STRN: variants seen among roughly 807,000 people sequenced by gnomAD.
STRN encodes protein phosphatase 2 regulatory subunit B'''alpha.
In STRN, 53 loss-of-function variants were observed where a neutral mutation model predicts 96.3. The ratio of observed to expected loss-of-function variants is 0.55; its 90% confidence interval spans 0.44 to 0.69. The LOEUF is 0.69. Ranked by LOEUF, STRN falls within the 30% of genes least tolerant of loss-of-function variation. STRN has a pLI of 0.00. For missense variants in STRN, 987 were observed against 963.9 expected, an observed-to-expected ratio of 1.02 and a Z score of -0.32; for synonymous variants, 428 against 355.9, an observed-to-expected ratio of 1.20 and a Z score of -2.28.
At chr2:36,864,323 T>C (rs1255762966) in intron 12 of STRN, among the ~76,000 whole-genome samples, 5 of 152,176 alleles carry the variant, frequency 3.3e-5, no homozygotes, top group Non-Finnish European at 7.3e-5. Flanking sequence ...TTTTGGGGTA[T>C]GTTCCTTCAA....
chr2:36,945,173 T>C (rs191768238), intron 1 of STRN, among the ~76,000 whole-genome samples: 84 of 152,058 alleles, frequency 5.5e-4, no homozygotes, highest in African/African-American at 1.9e-3. Context: ...AAAAAACGTG[T>C]AGGAAAAACA....
In STRN at chr2:36,842,234, T is replaced by A. The variant is rs528658412; in HGVS notation, c.*7222A>T. On this transcript the variant is annotated 3_prime_UTR_variant, in exon 18 of 18. Transcript: ENST00000263918. ...TTTTCAGTTTGGGCATATTTAATTG[T>A]GGATGATGGGTTTCCCTACCATTAC... The A allele has an allele frequency of 1.3e-5, 2 of 152,324 alleles. No individual in the cohort carries two copies. The highest frequency in any genetic ancestry group is 4.8e-5 in the African/African-American group (2 of 41,580). The allele number at this position is 152,324 out of a possible 1,614,324, so 9.4% of individuals were successfully genotyped here.
intron 13 of STRN, among the ~76,000 whole-genome samples, chr2:36,858,753 C>T (rs1173705592): frequency 6.6e-6 from 1 of 152,214 alleles, no homozygotes; most frequent in Non-Finnish European, 1.5e-5. Flanking sequence ...CTCTGTCACA[C>T]ATACCATAAA....
chr2:36,945,373 T>G (rs1285538145), intron 1 of STRN, among the ~76,000 whole-genome samples: 1 of 152,108 alleles, frequency 6.6e-6, no homozygotes, highest in Non-Finnish European at 1.5e-5. Flanking sequence ...GACTTTATAT[T>G]TAAGAATGCA....
At chr2:36,925,729 C>T (rs367842726) in intron 1 of STRN, among the ~76,000 whole-genome samples, 13 of 152,122 alleles carry the variant, frequency 8.5e-5, no homozygotes, top group East Asian at 3.8e-4. Flanking sequence ...GCCGAGATCA[C>T]GCCTCTGCAC....
chr2:36,894,156 C>G, intron 6 of STRN, 123 bp from the exon 7 acceptor site: 1 of 1,104,188 alleles, frequency 9.1e-7, no homozygotes, highest in East Asian at 2.7e-5. Context: ...TACTACCTAA[C>G]TCAGTGAAAA....
intron 10 of STRN, among the ~76,000 whole-genome samples, chr2:36,872,323 G>C (rs1199493966): frequency 6.6e-6 from 1 of 152,162 alleles, no homozygotes; most frequent in South Asian, 2.1e-4. Flanking sequence ...AGGAACTAAA[G>C]TCTCCACCAA....
intron 10 of STRN, among the ~76,000 whole-genome samples, chr2:36,872,069 G>A (rs1396156939): frequency 1.3e-5 from 2 of 152,154 alleles, no homozygotes; most frequent in East Asian, 1.9e-4. Flanking sequence ...CCTTCTGAAC[G>A]TCTTAATGTG....
At chr2:36,871,308 C>T (rs1013642493) in intron 10 of STRN, among the ~76,000 whole-genome samples, 13 of 152,184 alleles carry the variant, frequency 8.5e-5, no homozygotes, top group African/African-American at 2.4e-4. Context: ...AAGCTCCATT[C>T]GTGATAAGTG....
intron 1 of STRN, 86 bp downstream of exon 1, chr2:36,966,144 G>T (rs1352041674): frequency 7.4e-7 from 1 of 1,348,532 alleles, no homozygotes; most frequent in Non-Finnish European, 9.6e-7. Flanking sequence ...ACGCGAGAAG[G>T]CTGGGGGAGG....
chr2:36,954,321 G>A (rs957100033), intron 1 of STRN, among the ~76,000 whole-genome samples: 23 of 151,962 alleles, frequency 1.5e-4, no homozygotes, highest in South Asian at 1.0e-3. Context: ...GACCAGCCTG[G>A]CCAATATGGC....
intron 16 of STRN, 26 bp from the exon 17 acceptor site, chr2:36,849,826 T>A: frequency 6.2e-7 from 1 of 1,604,128 alleles, no homozygotes; most frequent in Non-Finnish European, 8.5e-7. Flanking sequence ...TTGTTACTCC[T>A]TATTAATGCC....
rs1384081188 is a variant in STRN, at chr2:36,966,449, C to T, written c.15G>A (p.Ala5=). MDEQ[A]GPGVFFSNNH... is the part of the protein sequence containing the mutation. ...TGTTGCTGAAGAAGACGCCGGGACC[C>T]GCCTGCTCGTCCATGGCGGCCGCAG... The change falls in exon 1 of 18, where the codon GCG becomes GCA. Residue 5 remains alanine, a synonymous_variant. Coordinates refer to ENST00000263918, the MANE Select transcript of STRN (RefSeq NM_003162.4). 6 of 1,463,852 alleles carry T rather than the reference C, an allele frequency of 4.1e-6. No homozygotes were observed. In the African/African-American group the frequency reaches 5.9e-5, roughly 14 times the overall value. 90.7% of individuals were successfully genotyped at this position (1,463,852 alleles called of 1,614,324 possible).
At position 36,859,923 on chromosome 2, in the gene STRN, G is replaced by C. The variant is rs181353167; in HGVS notation, c.1669+1209C>G. ...TGTTGTAGCCAGAAGCCAGAATGTA[G>C]ACAGATGAAGCACAGAGAAAAAACA... On this transcript the variant is annotated intron_variant, in intron 13 of 17. Coordinates refer to ENST00000263918, the MANE Select transcript of STRN (RefSeq NM_003162.4). Among the ~76,000 whole-genome samples, 973 of 152,284 alleles carry C rather than the reference G, an allele frequency of 6.4e-3. 8 individuals are homozygous for C. Among genetic ancestry groups the C allele is most frequent in the Non-Finnish European group, 9.0e-3 (610 of 68,032 alleles).
chr2:36,959,842 T>C (rs1664984733), intron 1 of STRN, among the ~76,000 whole-genome samples: 2 of 152,158 alleles, frequency 1.3e-5, no homozygotes, highest in African/African-American at 2.4e-5. Context: ...AAAATACTAA[T>C]GCTAGGGGTC....
chr2:36,955,784 C>T (rs1664872511), intron 1 of STRN, among the ~76,000 whole-genome samples: 1 of 152,172 alleles, frequency 6.6e-6, no homozygotes, highest in Admixed American at 6.6e-5. Context: ...ATATGAAATG[C>T]TCGGGACCAG....
intron 4 of STRN, 101 bp downstream of exon 4, chr2:36,905,435 TATGA>T: frequency 1.0e-6 from 1 of 992,552 alleles, no homozygotes; most frequent in Non-Finnish European, 1.6e-6. Context: ...ACAGCATCTG[TATGA>T]GATAAAATAT....
At chr2:36,897,445 ATTTT>A (rs70946961) in intron 6 of STRN, among the ~76,000 whole-genome samples, 2 of 149,708 alleles carry the variant, frequency 1.3e-5, no homozygotes, top group African/African-American at 4.9e-5. Flanking sequence ...ATATATATAT[ATTTT>A]TTTTTTGAGA....
At position 36,839,211 on chromosome 2, in the gene STRN, C is replaced by T. The variant is rs1266560606; in HGVS notation, c.*10245G>A. Among the ~76,000 whole-genome samples, 1 of 152,072 alleles carries T rather than the reference C, an allele frequency of 6.6e-6. No homozygotes were observed. Among genetic ancestry groups the T allele is most frequent in the Admixed American group, 6.6e-5 (1 of 15,256 alleles). ...TCTGTCACTTTCTTAACCTGAAAAA[C>T]ATCAAATCATCCCCCTTCCCTGCTC... On this transcript the variant is annotated 3_prime_UTR_variant, in exon 18 of 18. Transcript: ENST00000263918.
Sources: allele counts gnomAD v4.1 joint callset (sites outside exome capture counted in the v4.1 genomes callset), GRCh38; gene constraint gnomAD v4.1.1; transcripts MANE v1.5; gene names NCBI Gene and HGNC (gene_info 2026-07-23, HGNC 2026-07-21).